Variants in NINJ2 observed in about 807,000 individuals in gnomAD.
The protein encoded by NINJ2 is ninjurin-2.
NINJ2 carries 12 observed loss-of-function variants against 11.7 expected under a neutral mutation model. The ratio of observed to expected loss-of-function variants is 1.02; its 90% CI spans 0.66 to 1.66. The LOEUF is 1.66. NINJ2 is among the 40% of genes most tolerant of loss of function. The pLI, the probability that NINJ2 is intolerant of heterozygous loss-of-function variation, is 0.00. For synonymous variants in NINJ2, 93 were observed against 76.8 expected (o/e 1.21, Z -1.10); for missense variants, 187 against 181.8 (o/e 1.03, Z -0.16).
intron 1 of NINJ2, chr12:645,530 C>T (rs1253768923): frequency 6.6e-6 from 1 of 152,168 alleles, no homozygotes; most frequent in Non-Finnish European, 1.5e-5. Context: ...TTATTATCCT[C>T]ATTTTGCAGA....
intron 1 of NINJ2, among the ~76,000 whole-genome samples, chr12:620,721 C>T (rs1948144173): frequency 6.6e-6 from 1 of 152,198 alleles, no homozygotes; most frequent in South Asian, 2.1e-4. Flanking sequence ...CCTCTGCCTC[C>T]TGGGTTGGAG....
chr12:610,218 A>C, intron 1 of NINJ2: 2 of 774,674 alleles, frequency 2.6e-6, no homozygotes, highest in Non-Finnish European at 4.4e-6. Flanking sequence ...GACACCCAGC[A>C]GACACAGAAT....
intron 1 of NINJ2, among the ~76,000 whole-genome samples, chr12:597,029 G>A (rs1161928609): frequency 2.0e-5 from 3 of 152,048 alleles, no homozygotes; most frequent in Admixed American, 6.6e-5. Context: ...TAAAAGTCAC[G>A]TCATAACTAT....
chr12:626,305 CT>C (rs1479074528), intron 1 of NINJ2, among the ~76,000 whole-genome samples: 2 of 152,172 alleles, frequency 1.3e-5, no homozygotes, highest in African/African-American at 4.8e-5. Context: ...TCACGGGAAC[CT>C]TGGTGTAGGC....
intron 1 of NINJ2, among the ~76,000 whole-genome samples, chr12:657,298 A>G (rs1180357951): frequency 6.6e-6 from 1 of 152,184 alleles, no homozygotes; most frequent in African/African-American, 2.4e-5. Context: ...ATTCAACAAC[A>G]AGAAAATAAG....
intron 1 of NINJ2, among the ~76,000 whole-genome samples, chr12:571,502 G>C (rs1196987882): frequency 6.6e-6 from 1 of 152,338 alleles, no homozygotes; most frequent in African/African-American, 2.4e-5. Context: ...GGCCTGCCCG[G>C]CACAGTCATT....
intron 1 of NINJ2, among the ~76,000 whole-genome samples, chr12:616,152 G>T (rs959171768): frequency 6.6e-6 from 1 of 152,190 alleles, no homozygotes; most frequent in Non-Finnish European, 1.5e-5. Flanking sequence ...TCAACGGGTT[G>T]CCTGGACTAG....
Position 640,328 on chromosome 12 carries a change from G to A in NINJ2, c.33+23000C>T, listed in dbSNP as rs960238844. Among the ~76,000 whole-genome samples the A allele has an allele frequency of 1.3e-5, 2 of 152,148 alleles. No homozygotes were observed. Among genetic ancestry groups the A allele is most frequent in the Admixed American group, 6.5e-5 (1 of 15,272 alleles). Reference sequence around the variant, plus strand: ...TCCAAAGTCCTTGTTTTACAAATGTGGCAACTGAAGCTTTAAAAAAAAGGT... The same window carrying A: ...TCCAAAGTCCTTGTTTTACAAATGTAGCAACTGAAGCTTTAAAAAAAAGGT... On this transcript the variant is annotated intron_variant, in intron 1 of 3. Coordinates refer to ENST00000305108, the MANE Select transcript of NINJ2 (RefSeq NM_016533.6). This position sits in a 1 kb window ranked among gnomAD's most constrained non-coding sequence, Gnocchi z 4.0.
At chr12:636,965 G>A (rs915297627) in intron 1 of NINJ2, among the ~76,000 whole-genome samples, 1 of 152,130 alleles carries the variant, frequency 6.6e-6, no homozygotes, top group Non-Finnish European at 1.5e-5. Flanking sequence ...TGTTCACAAC[G>A]GCGAAAAGAA....
At chr12:610,238 T>G in intron 1 of NINJ2, 1 of 892,376 alleles carries the variant, frequency 1.1e-6, no homozygotes, top group Non-Finnish European at 1.8e-6. Context: ...TCAATGCTTT[T>G]GCGTGAGTGA....
chr12:566,997 G>A (rs1229525889), intron 1 of NINJ2, among the ~76,000 whole-genome samples: 1 of 152,240 alleles, frequency 6.6e-6, no homozygotes, highest in Non-Finnish European at 1.5e-5. Context: ...TCACTCAAGA[G>A]TACTTGGAAG....
chr12:597,851 G>C (rs2120893638), intron 1 of NINJ2, among the ~76,000 whole-genome samples: 1 of 152,382 alleles, frequency 6.6e-6, no homozygotes, highest in Admixed American at 6.5e-5. Context: ...CTGGGGCATT[G>C]TTGCTTTTGG....
chr12:573,920 C>T (rs981795373), intron 1 of NINJ2, among the ~76,000 whole-genome samples: 4 of 150,900 alleles, frequency 2.7e-5, no homozygotes, highest in African/African-American at 9.9e-5. Context: ...AATTTTGAAA[C>T]ATGTGAATGA....
At chr12:649,290 G>T (rs1180075971) in intron 1 of NINJ2, among the ~76,000 whole-genome samples, 2 of 151,696 alleles carry the variant, frequency 1.3e-5, no homozygotes, top group Non-Finnish European at 2.9e-5. Context: ...CAGGTGATCC[G>T]CCCACCTTGG....
chr12:567,374 T>C (rs1435171085), intron 1 of NINJ2, among the ~76,000 whole-genome samples: 1 of 149,084 alleles, frequency 6.7e-6, no homozygotes, highest in African/African-American at 2.5e-5. Flanking sequence ...CAGTGATGCA[T>C]ACCAGTTAAA....
chr12:648,996 G>GCCTATCTA (rs1937740528), intron 1 of NINJ2, among the ~76,000 whole-genome samples: 2 of 148,912 alleles, frequency 1.3e-5, no homozygotes, highest in Non-Finnish European at 3.0e-5. Context: ...CTATCTATCT[G>GCCTATCTA]TCTATCTATC....
chr12:638,822 G>A (rs564507737), intron 1 of NINJ2, among the ~76,000 whole-genome samples: 9 of 152,144 alleles, frequency 5.9e-5, no homozygotes, highest in Admixed American at 4.6e-4. Context: ...CAAACCTCTC[G>A]GGAACCATGC....
intron 1 of NINJ2, among the ~76,000 whole-genome samples, chr12:663,088 G>A (rs1006595309): frequency 6.6e-6 from 1 of 152,180 alleles, no homozygotes; most frequent in African/African-American, 2.4e-5. Flanking sequence ...AGGAAGCAGA[G>A]GCCAAAAGGG....
chr12:588,203 C>G lies in NINJ2; in HGVS notation c.34-22025G>C, dbSNP rs200351897. 4.4e-3 allele frequency among the ~76,000 whole-genome samples: 651 copies of G among 149,046 alleles called. 34 individuals carry two copies. The East Asian group carries it at 0.11, about 25-fold the overall frequency. On this transcript the variant is annotated intron_variant, in intron 1 of 3. Transcript: ENST00000305108. ...GAAGGGACGGAAGGGACGGAGGGGA[C>G]GGAAGGGACGGAGGGGACGGAAGGG...
Sources: gnomAD v4.1 joint callset for allele counts (sites outside exome capture counted in the v4.1 genomes callset) on GRCh38, gnomAD v4.1.1 for gene constraint, Gnocchi (gnomAD v3.1) non-coding constraint, MANE v1.5 for transcripts, NCBI Gene and HGNC (gene_info 2026-07-23, HGNC 2026-07-21) for gene names.